Variants in ASH1L observed in about 807,000 individuals in gnomAD.
ASH1L encodes ASH1 like histone lysine methyltransferase.
Under a neutral mutation model 269.0 loss-of-function variants are expected in ASH1L, and 23 were observed. That is an observed-to-expected ratio of 0.09 (90% CI 0.06 to 0.12). The LOEUF is 0.12. ASH1L is among the 10% of genes least tolerant of loss of function. The pLI, the probability that ASH1L is intolerant of heterozygous loss-of-function variation, is 1.00. For missense variants in ASH1L, 2,912 were observed against 3,567.8 expected (o/e 0.82, Z 4.68); for synonymous variants, 1,187 against 1,253.5 (o/e 0.95, Z 1.12).
intron 7 of ASH1L, among the ~76,000 whole-genome samples, chr1:155,384,624 A>T (rs1657264736): frequency 6.6e-6 from 1 of 152,084 alleles, no homozygotes; most frequent in Admixed American, 6.6e-5. Flanking sequence ...GGTGGTCTCA[A>T]ACTTCTGAGC....
intron 25 of ASH1L, among the ~76,000 whole-genome samples, chr1:155,341,499 G>A (rs1317250401): frequency 6.6e-6 from 1 of 151,522 alleles, no homozygotes; most frequent in Non-Finnish European, 1.5e-5. Flanking sequence ...TAATGATCGT[G>A]TCTTCCATTT....
chr1:155,383,663 T>C (rs915964332), intron 7 of ASH1L, among the ~76,000 whole-genome samples: 1 of 152,212 alleles, frequency 6.6e-6, no homozygotes, highest in African/African-American at 2.4e-5. Flanking sequence ...ACAACATGGA[T>C]GAACCTTAAA....
intron 13 of ASH1L, 96 bp from the exon 14 acceptor site, chr1:155,357,845 A>T (rs1654550960): frequency 1.6e-6 from 2 of 1,221,792 alleles, no homozygotes; most frequent in South Asian, 3.2e-5. Context: ...ATCATGGCTC[A>T]CTGCAGTCTC....
chr1:155,476,339 T>C (rs1665548040), intron 3 of ASH1L, among the ~76,000 whole-genome samples: 1 of 151,526 alleles, frequency 6.6e-6, no homozygotes, highest in African/African-American at 2.4e-5. Flanking sequence ...TGAGCCGAGA[T>C]TGCACCATTG....
intron 1 of ASH1L, among the ~76,000 whole-genome samples, chr1:155,560,268 GTCTT>G (rs1671871860): frequency 2.6e-5 from 4 of 152,146 alleles, no homozygotes; most frequent in Admixed American, 2.6e-4. Flanking sequence ...AGGGCCCAGT[GTCTT>G]TCATCAGATT....
intron 4 of ASH1L, among the ~76,000 whole-genome samples, chr1:155,449,471 T>A (rs1169298442): frequency 1.3e-5 from 2 of 152,164 alleles, no homozygotes; most frequent in African/African-American, 4.8e-5. Context: ...TAGGATGGTA[T>A]CTTGGTATAA....
chr1:155,373,561 G>A (rs1656172237), intron 10 of ASH1L, among the ~76,000 whole-genome samples: 1 of 152,164 alleles, frequency 6.6e-6, no homozygotes, highest in South Asian at 2.1e-4. Context: ...CTCCCAAAAT[G>A]CTAGGGATTA....
At chr1:155,355,186 G>T (rs539808837) in intron 15 of ASH1L, among the ~76,000 whole-genome samples, 18 of 152,306 alleles carry the variant, frequency 1.2e-4, no homozygotes, top group South Asian at 6.2e-4. Context: ...GAATAGCTGG[G>T]GTTATAGGTG....
intron 8 of ASH1L, 143 bp from the exon 9 acceptor site, chr1:155,378,691 T>C: frequency 1.5e-6 from 1 of 658,294 alleles, no homozygotes; most frequent in Non-Finnish European, 2.6e-6. Context: ...TGGATACATT[T>C]GAGGGAAACT....
At chr1:155,412,882 T>A (rs1047716104) in intron 6 of ASH1L, among the ~76,000 whole-genome samples, 2 of 151,146 alleles carry the variant, frequency 1.3e-5, no homozygotes, top group African/African-American at 4.9e-5. Flanking sequence ...GTTACAGAAG[T>A]CTTCTGTGTG....
intron 15 of ASH1L, among the ~76,000 whole-genome samples, chr1:155,355,354 C>A (rs1044558522): frequency 2.6e-5 from 4 of 152,206 alleles, no homozygotes; most frequent in African/African-American, 9.6e-5. Flanking sequence ...CCGTGCCTGG[C>A]CCTGGTTCCC....
chr1:155,554,183 C>T (rs895236555), intron 1 of ASH1L, among the ~76,000 whole-genome samples: 2 of 151,838 alleles, frequency 1.3e-5, no homozygotes, highest in Non-Finnish European at 2.9e-5. Flanking sequence ...CTCCCAGGCT[C>T]AAGTGATTCT....
At chr1:155,517,111 A>C (rs1668545373) in intron 2 of ASH1L, among the ~76,000 whole-genome samples, 1 of 152,224 alleles carries the variant, frequency 6.6e-6, no homozygotes. Flanking sequence ...CCTAAAATCC[A>C]TATGGAATCT....
chr1:155,432,295 C>T (rs1661670642), intron 5 of ASH1L, among the ~76,000 whole-genome samples: 1 of 152,092 alleles, frequency 6.6e-6, no homozygotes, highest in Non-Finnish European at 1.5e-5. Context: ...ATAGTCCTTA[C>T]TTTTTCTGGG....
At chr1:155,447,107 G>A (rs1413438293) in intron 4 of ASH1L, among the ~76,000 whole-genome samples, 1 of 152,160 alleles carries the variant, frequency 6.6e-6, no homozygotes, top group African/African-American at 2.4e-5. Flanking sequence ...AGAAGTAGTG[G>A]ACATCTATAC....
intron 12 of ASH1L, among the ~76,000 whole-genome samples, chr1:155,369,446 CAAA>C (rs112098227): frequency 9.2e-6 from 1 of 108,174 alleles, no homozygotes; most frequent in Non-Finnish European, 2.0e-5. Context: ...GACTCCGTCT[CAAA>C]AAAAAAAAAA....
intron 20 of ASH1L, among the ~76,000 whole-genome samples, chr1:155,347,206 C>T (rs955139034): frequency 6.6e-6 from 1 of 152,106 alleles, no homozygotes. Context: ...CAAGACCAGC[C>T]TGGGCAACAT....
At chr1:155,402,333 A>G (rs1454605885) in intron 6 of ASH1L, among the ~76,000 whole-genome samples, 1 of 152,130 alleles carries the variant, frequency 6.6e-6, no homozygotes, top group Admixed American at 6.6e-5. Context: ...CCTTTCCCTA[A>G]CCTTGCTCCA....
rs1405256499 is a variant in ASH1L, at chr1:155,335,633, G to A, written c.*2027C>T. On this transcript the variant is annotated 3_prime_UTR_variant, in exon 28 of 28. Coordinates refer to ENST00000392403, the MANE Select transcript of ASH1L (RefSeq NM_018489.3). ...TTTCTACACCAGTAAGAAAAAACAAGTTTTTGCACTTACCTAACATTTGAT... is the reference window on the plus strand; with the variant it reads ...TTTCTACACCAGTAAGAAAAAACAAATTTTTGCACTTACCTAACATTTGAT... 1 of 152,362 alleles carries A rather than the reference G, an allele frequency of 6.6e-6. No homozygotes were observed. Among genetic ancestry groups the A allele is most frequent in the Non-Finnish European group, 1.5e-5 (1 of 67,962 alleles). The allele number at this position is 152,362 out of a possible 1,614,324, so 9.4% of individuals were successfully genotyped here.
Sources: gnomAD v4.1 joint callset for allele counts (sites outside exome capture counted in the v4.1 genomes callset) on GRCh38, gnomAD v4.1.1 for gene constraint, MANE v1.5 for transcripts, NCBI Gene and HGNC (gene_info 2026-07-23, HGNC 2026-07-21) for gene names.